The following PDXDC1 variants were observed in gnomAD, a reference collection of about 807,000 sequenced individuals.
The protein encoded by PDXDC1 is pyridoxal-dependent decarboxylase domain-containing protein 1.
A neutral mutation model predicts 100.1 loss-of-function variants in PDXDC1; 42 were observed. The ratio of observed to expected loss-of-function variants is 0.42; its 90% confidence interval spans 0.33 to 0.54. PDXDC1 has a LOEUF of 0.54. Ranked by LOEUF, PDXDC1 falls within the 20% of genes least tolerant of loss-of-function variation. The pLI, the probability that PDXDC1 is intolerant of heterozygous loss-of-function variation, is 0.10. For missense variants in PDXDC1, 636 were observed against 979.2 expected (o/e 0.65, Z 4.68); for synonymous variants, 260 against 371.7 (o/e 0.70, Z 3.46).
At chr16:15,027,636 C>G (rs1168013223) in intron 14 of PDXDC1, among the ~76,000 whole-genome samples, 4 of 152,288 alleles carry the variant, frequency 2.6e-5, no homozygotes, top group Non-Finnish European at 5.9e-5. Context: ...GGCCGCTCAG[C>G]GGCCCTGGCC....
chr16:15,061,767 A>T (rs2044721342), intron 16 of PDXDC1: 1 of 1,613,836 alleles, frequency 6.2e-7, no homozygotes, highest in African/African-American at 1.3e-5. Flanking sequence ...GGTTGCATGT[A>T]CAACACGGGT....
intron 16 of PDXDC1, chr16:15,092,505 T>G: frequency 6.3e-7 from 1 of 1,597,322 alleles, no homozygotes. Context: ...TTATCTCCCC[T>G]TACCTTTTTG....
intron 1 of PDXDC1, among the ~76,000 whole-genome samples, chr16:14,987,414 G>C (rs1165071572): frequency 3.3e-5 from 5 of 152,292 alleles, no homozygotes; most frequent in Admixed American, 6.5e-5. Flanking sequence ...TGGGGCTTGT[G>C]AGGAAGTAAT....
intron 16 of PDXDC1, chr16:15,135,640 C>T (rs942477598): frequency 3.3e-5 from 52 of 1,580,782 alleles, no homozygotes; most frequent in Middle Eastern, 4.6e-4. Context: ...GGCCCTGCCA[C>T]GCACTGACCT....
At chr16:15,009,879 A>C (rs1289289530) in intron 8 of PDXDC1, 120 bp downstream of exon 8, 5 of 1,533,920 alleles carry the variant, frequency 3.3e-6, no homozygotes, top group Non-Finnish European at 4.4e-6. Flanking sequence ...GATAGTCCAT[A>C]TCCACATTGT....
Position 15,018,595 on chromosome 16 carries a change from T to C in PDXDC1, c.964-245T>C, listed in dbSNP as rs554405672. On this transcript the variant is annotated intron_variant, in intron 11 of 22. Transcript: ENST00000396410. The stretch of plus-strand genomic sequence containing the variant: ...GGTTCTGGGATGTGACCCATCTGGG[T>C]TTTCCACTGGCTTTTCCTGGCTTTG... 9.5e-4 allele frequency among the ~76,000 whole-genome samples: 145 copies of C among 152,294 alleles called. 1 individual carries two copies. The highest frequency in any genetic ancestry group is 3.4e-3 in the African/African-American group (143 of 41,536).
the PDXDC1 span, among the ~76,000 whole-genome samples, chr16:15,145,179 G>C: frequency 2.6e-5 from 4 of 152,176 alleles, no homozygotes; most frequent in African/African-American, 9.6e-5. Context: ...GAAGAGGGTG[G>C]TGGGGGGGGC....
chr16:15,140,478 G>A (rs1157484274), downstream of PDXDC1, among the ~76,000 whole-genome samples: 8 of 150,766 alleles, frequency 5.3e-5, no homozygotes, highest in African/African-American at 9.8e-5. Context: ...GAAAAAGGAC[G>A]GAGGGCGAGA....
intron 16 of PDXDC1, chr16:15,133,328 A>G (rs1236337617): frequency 4.7e-6 from 7 of 1,478,464 alleles, no homozygotes; most frequent in Middle Eastern, 2.4e-4. Flanking sequence ...GGCCTGCCGC[A>G]GCAGCCCCGG....
At chr16:15,030,544 C>CAAAAAAAA in intron 16 of PDXDC1, among the ~76,000 whole-genome samples, 1 of 38,386 alleles carries the variant, frequency 2.6e-5, no homozygotes, top group Non-Finnish European at 3.9e-5. Flanking sequence ...GACTCCATCT[C>CAAAAAAAA]AAAAAAAAAA....
intron 16 of PDXDC1, among the ~76,000 whole-genome samples, chr16:15,084,054 T>C (rs1374016984): frequency 6.6e-6 from 1 of 152,210 alleles, no homozygotes; most frequent in Admixed American, 6.5e-5. Context: ...TGAGAAAATC[T>C]ATAACGACTT....
chr16:15,096,064 C>G (rs1048212878), intron 16 of PDXDC1, among the ~76,000 whole-genome samples: 1 of 151,890 alleles, frequency 6.6e-6, no homozygotes, highest in African/African-American at 2.4e-5. Context: ...GACAACACAG[C>G]AAGACCCTAT....
intron 16 of PDXDC1, chr16:15,104,682 T>A: frequency 1.3e-6 from 2 of 1,597,612 alleles, no homozygotes; most frequent in Non-Finnish European, 1.7e-6. Context: ...CATCCTGTTT[T>A]TTAAAGTTTC....
chr16:15,032,385 C>T (rs1281912560), intron 17 of PDXDC1: 1 of 170,516 alleles, frequency 5.9e-6, no homozygotes, highest in African/African-American at 2.4e-5. Context: ...GGCACGGTGG[C>T]TCATGCCTGT....
downstream of PDXDC1, among the ~76,000 whole-genome samples, chr16:15,040,783 GCACTTTCC>G (rs1318529053): frequency 6.6e-6 from 1 of 152,146 alleles, no homozygotes; most frequent in Non-Finnish European, 1.5e-5. Context: ...ACAAAACCAG[GCACTTTCC>G]CAGCTCCTGG....
intron 16 of PDXDC1, chr16:15,044,191 C>T (rs555437995): frequency 2.8e-4 from 176 of 626,750 alleles, no homozygotes; most frequent in Non-Finnish European, 4.8e-4. Flanking sequence ...TGTGAAATTC[C>T]AAGCTGGGCA....
At chr16:15,131,237 T>C in intron 16 of PDXDC1, 1 of 1,592,178 alleles carries the variant, frequency 6.3e-7, no homozygotes, top group Non-Finnish European at 8.5e-7. Context: ...TCCGAGTTGT[T>C]GGGCACCTTC....
chr16:15,027,992 C>G (rs2042749890), intron 14 of PDXDC1, among the ~76,000 whole-genome samples: 1 of 152,294 alleles, frequency 6.6e-6, no homozygotes, highest in African/African-American at 2.4e-5. Context: ...AGGGACCACG[C>G]TCTTCCCTTC....
intron 16 of PDXDC1, chr16:15,063,316 T>C (rs772399758): frequency 6.6e-7 from 1 of 1,507,982 alleles, no homozygotes; most frequent in Non-Finnish European, 9.2e-7. Context: ...AAAGTCAAGT[T>C]AAATACTTCG....
Sources: allele counts gnomAD v4.1 joint callset (sites outside exome capture counted in the v4.1 genomes callset), GRCh38; gene constraint gnomAD v4.1.1; transcripts MANE v1.5; gene names NCBI Gene and HGNC (gene_info 2026-07-23, HGNC 2026-07-21).